COMMD1: variants seen among roughly 807,000 people sequenced by gnomAD.
COMMD1 encodes COMM domain-containing protein 1.
Under a neutral mutation model 17.2 loss-of-function variants are expected in COMMD1, and 10 were observed. The observed-to-expected ratio is 0.58, with a 90% confidence interval of 0.36 to 0.99. COMMD1 has a LOEUF of 0.99. Ranked by LOEUF, COMMD1 falls within the 50% of genes least tolerant of loss-of-function variation. COMMD1 has a pLI of 0.01. For synonymous variants in COMMD1, 97 were observed against 91.6 expected (o/e 1.06, Z -0.34); for missense variants, 270 against 231.8 (o/e 1.17, Z -1.07).
chr2:61,960,113 ATGTGTG>A (rs70946771), intron 1 of COMMD1, among the ~76,000 whole-genome samples: 4 of 150,118 alleles, frequency 2.7e-5, no homozygotes, highest in South Asian at 2.1e-4. Context: ...TTTGGAATAT[ATGTGTG>A]TGTGTGTGTG....
chr2:62,040,184 T>A (rs1229919154), intron 2 of COMMD1, among the ~76,000 whole-genome samples: 1 of 152,140 alleles, frequency 6.6e-6, no homozygotes, highest in African/African-American at 2.4e-5. Flanking sequence ...GCCTAGGGAG[T>A]TGAGGCTGTA....
At chr2:61,977,022 C>T (rs1447159691) in intron 1 of COMMD1, among the ~76,000 whole-genome samples, 1 of 151,538 alleles carries the variant, frequency 6.6e-6, no homozygotes, top group Non-Finnish European at 1.5e-5. Context: ...TGGGGTTTCA[C>T]CATGTTGGCC....
intron 2 of COMMD1, among the ~76,000 whole-genome samples, chr2:62,058,201 T>C (rs1318542579): frequency 6.6e-6 from 1 of 152,224 alleles, no homozygotes. Flanking sequence ...AAGTTGTTAG[T>C]GTAGTATTTA....
intron 1 of COMMD1, among the ~76,000 whole-genome samples, chr2:61,930,537 C>G (rs991805490): frequency 2.0e-5 from 3 of 151,738 alleles, no homozygotes; most frequent in Non-Finnish European, 2.9e-5. Flanking sequence ...TCCTGGGTGA[C>G]AGAGCAAGAC....
At position 62,135,904 on chromosome 2, in the gene COMMD1, A is replaced by G. The variant is rs1673180517; in HGVS notation, c.536A>G (p.Glu179Gly). The G allele has an allele frequency of 6.2e-7, 1 of 1,603,960 alleles. No individual in the cohort carries two copies. Among genetic ancestry groups the G allele is most frequent in the Non-Finnish European group, 8.5e-7 (1 of 1,170,708 alleles). ...ATTCTGAAGACGCTGTCAGAGGTAGAAGAAAGTATCAGCACACTGATCAGC... is the reference window on the plus strand; with the variant it reads ...ATTCTGAAGACGCTGTCAGAGGTAGGAGAAAGTATCAGCACACTGATCAGC... ...NQILKTLSEV[E>G]ESISTLISQP... Residue 179 changes from glutamate (E) to glycine (G), a missense_variant, in exon 3 of 3, where the codon GAA becomes GGA. Coordinates refer to ENST00000311832, the MANE Select transcript of COMMD1 (RefSeq NM_152516.4).
At chr2:61,915,695 C>A in intron 1 of COMMD1, 3 of 453,668 alleles carry the variant, frequency 6.6e-6, no homozygotes, top group South Asian at 4.7e-5. Flanking sequence ...CAGAATCTCC[C>A]CATATCGTCC....
Position 61,913,091 on chromosome 2 carries a change from A to G in COMMD1, c.180+7233A>G, listed in dbSNP as rs531889519. On this transcript the variant is annotated intron_variant, in intron 1 of 2. Transcript: ENST00000311832. ...AAAAATTTAAAAGAAAAAAGTGGCC[A>G]GGTGCAGTGGCTCATGCCTGTAATC... Among the ~76,000 whole-genome samples the G allele has an allele frequency of 1.6e-3, 250 of 152,238 alleles. 1 individual carries two copies. The highest frequency in any genetic ancestry group is 9.1e-4 in the Non-Finnish European group (62 of 68,008).
chr2:61,990,911 CA>C (rs1672234394), intron 1 of COMMD1, among the ~76,000 whole-genome samples: 1 of 147,850 alleles, frequency 6.8e-6, no homozygotes, highest in African/African-American at 2.5e-5. Context: ...TATACACACA[CA>C]CACACACACA....
intron 2 of COMMD1, among the ~76,000 whole-genome samples, chr2:62,063,539 G>A (rs1485964728): frequency 1.3e-5 from 2 of 152,092 alleles, no homozygotes; most frequent in Non-Finnish European, 2.9e-5. Flanking sequence ...TTTTCTTATA[G>A]TGTAATCAAA....
intron 2 of COMMD1, among the ~76,000 whole-genome samples, chr2:62,018,237 A>G (rs374516281): frequency 6.6e-6 from 1 of 152,158 alleles, no homozygotes. Flanking sequence ...AATTAGGGTA[A>G]TTTAGGGAAG....
chr2:61,937,874 T>C (rs1439992420), intron 1 of COMMD1, among the ~76,000 whole-genome samples: 2 of 152,220 alleles, frequency 1.3e-5, no homozygotes, highest in African/African-American at 4.8e-5. Context: ...TTTTACCAGT[T>C]GTTCAGGCAT....
At chr2:61,905,640 G>T (rs552568247), upstream of COMMD1, 41 of 1,500,820 alleles carry the variant, frequency 2.7e-5, no homozygotes, top group East Asian at 9.8e-5. Flanking sequence ...CCGTGGCGGG[G>T]CACGGCTCAG....
At chr2:61,902,331 C>T (rs1669674082), upstream of COMMD1, among the ~76,000 whole-genome samples, 1 of 151,562 alleles carries the variant, frequency 6.6e-6, no homozygotes, top group East Asian at 2.0e-4. Context: ...GATGGTGAAA[C>T]CTTGTCTCTA....
intron 2 of COMMD1, among the ~76,000 whole-genome samples, chr2:62,074,762 A>T (rs762528494): frequency 2.0e-5 from 3 of 152,112 alleles, no homozygotes; most frequent in Non-Finnish European, 2.9e-5. Context: ...CTAGCAGGGG[A>T]ACTATTAATA....
At chr2:61,988,049 C>A (rs577093017) in intron 1 of COMMD1, among the ~76,000 whole-genome samples, 1 of 152,114 alleles carries the variant, frequency 6.6e-6, no homozygotes, top group East Asian at 1.9e-4. Context: ...TGCAACTCAC[C>A]CTTCCTGGCA....
At chr2:62,106,203 T>A (rs1672320878) in intron 2 of COMMD1, among the ~76,000 whole-genome samples, 1 of 152,250 alleles carries the variant, frequency 6.6e-6, no homozygotes, top group African/African-American at 2.4e-5. Flanking sequence ...TAATTCTTTA[T>A]ATATGGCACT....
intron 1 of COMMD1, among the ~76,000 whole-genome samples, chr2:61,896,599 G>C (rs972939249): frequency 2.6e-5 from 4 of 151,996 alleles, no homozygotes; most frequent in Non-Finnish European, 5.9e-5. Flanking sequence ...CCCCAAATCT[G>C]ATCTTGTTAT....
intron 2 of COMMD1, among the ~76,000 whole-genome samples, chr2:62,115,037 T>TA (rs1672551666): frequency 6.6e-6 from 1 of 152,160 alleles, no homozygotes; most frequent in East Asian, 1.9e-4. Context: ...GATATTATGG[T>TA]AAAAAATCAG....
chr2:62,090,372 G>T (rs1671792573), intron 2 of COMMD1, among the ~76,000 whole-genome samples: 1 of 152,166 alleles, frequency 6.6e-6, no homozygotes, highest in Admixed American at 6.5e-5. Flanking sequence ...AGGGTCATTT[G>T]AACCCTATGA....
Sources: gnomAD v4.1 joint callset for allele counts (sites outside exome capture counted in the v4.1 genomes callset) on GRCh38, gnomAD v4.1.1 for gene constraint, MANE v1.5 for transcripts, NCBI Gene and HGNC (gene_info 2026-07-23, HGNC 2026-07-21) for gene names.